Variants in NDUFAF2 observed in about 807,000 individuals in gnomAD.
The protein encoded by NDUFAF2 is NADH:ubiquinone oxidoreductase complex assembly factor 2, also known as NADH dehydrogenase [ubiquinone] 1 alpha subcomplex assembly factor 2.
NDUFAF2 carries 13 observed loss-of-function variants against 22.8 expected under a neutral mutation model. That is an observed-to-expected ratio of 0.57 (90% CI 0.37 to 0.91). The LOEUF is 0.91. Ranked by LOEUF, NDUFAF2 falls within the 40% of genes least tolerant of loss-of-function variation. The pLI, the probability that NDUFAF2 is intolerant of heterozygous loss-of-function variation, is 0.01. For missense variants in NDUFAF2, 162 were observed against 195.2 expected (o/e 0.83, Z 1.01); for synonymous variants, 53 against 64.2 (o/e 0.83, Z 0.84).
intron 3 of NDUFAF2, among the ~76,000 whole-genome samples, chr5:61,136,017 ATATATATATATATATATATATATATC>A (rs1191243923): frequency 3.0e-4 from 9 of 29,594 alleles, no homozygotes; most frequent in African/African-American, 6.6e-4. Context: ...ATATATATAT[ATATATATATATATATATATATATATC>A]TAGGGTGGAT....
chr5:60,968,268 T>A (rs990008216), intron 1 of NDUFAF2, among the ~76,000 whole-genome samples: 16 of 151,848 alleles, frequency 1.1e-4, no homozygotes, highest in African/African-American at 3.9e-4. Flanking sequence ...TTTTAAAAAA[T>A]CTTTTAGAAA....
At chr5:60,964,842 A>G (rs1282840582) in intron 1 of NDUFAF2, among the ~76,000 whole-genome samples, 1 of 152,070 alleles carries the variant, frequency 6.6e-6, no homozygotes, top group Non-Finnish European at 1.5e-5. Context: ...TTTGACCAAC[A>G]TTTCCCCAAT....
At chr5:61,070,810 A>G (rs1416861980) in intron 1 of NDUFAF2, among the ~76,000 whole-genome samples, 1 of 152,108 alleles carries the variant, frequency 6.6e-6, no homozygotes, top group Non-Finnish European at 1.5e-5. Flanking sequence ...TCCTCTCCCC[A>G]TGTGCTAAAC....
At chr5:61,140,966 C>T (rs766265230) in intron 3 of NDUFAF2, among the ~76,000 whole-genome samples, 78 of 152,178 alleles carry the variant, frequency 5.1e-4, no homozygotes, top group Non-Finnish European at 9.1e-4. Context: ...TGGTGGCTCA[C>T]GCCTGTAATC....
chr5:61,036,864 C>T (rs746844324), intron 1 of NDUFAF2, among the ~76,000 whole-genome samples: 1 of 152,122 alleles, frequency 6.6e-6, no homozygotes, highest in Non-Finnish European at 1.5e-5. Flanking sequence ...TGCCTATTAG[C>T]TGGATCCCAC....
At position 60,948,467 on chromosome 5, in the gene NDUFAF2, C is replaced by G. The variant is rs185601317; in HGVS notation, c.127+3085C>G. Among the ~76,000 whole-genome samples, 37 of 152,152 alleles carry G rather than the reference C, an allele frequency of 2.4e-4. 1 individual carries two copies. In the East Asian group the frequency reaches 7.0e-3, roughly 29 times the overall value. ...GGCTTTGTGATCTGCCTGCCTCGGC[C>G]TCCCAAAGTGCTGGGATTACAGATG... is the stretch of plus-strand genomic sequence containing the variant. On this transcript the variant is annotated intron_variant, in intron 1 of 3. Coordinates refer to ENST00000296597, the MANE Select transcript of NDUFAF2 (RefSeq NM_174889.5).
intron 1 of NDUFAF2, among the ~76,000 whole-genome samples, chr5:60,996,050 C>A (rs976852151): frequency 1.3e-5 from 2 of 152,104 alleles, no homozygotes; most frequent in Non-Finnish European, 2.9e-5. Context: ...AGTGGGCTCC[C>A]CTCTGGTCCA....
At chr5:60,966,806 A>C (rs1750763706) in intron 1 of NDUFAF2, among the ~76,000 whole-genome samples, 1 of 152,092 alleles carries the variant, frequency 6.6e-6, no homozygotes, top group Non-Finnish European at 1.5e-5. Context: ...CTTCTGCTCA[A>C]GATTGCTTTG....
intron 3 of NDUFAF2, among the ~76,000 whole-genome samples, chr5:61,128,828 A>G (rs1437096442): frequency 6.6e-6 from 1 of 152,196 alleles, no homozygotes; most frequent in Non-Finnish European, 1.5e-5. Flanking sequence ...GAGCTTCTGC[A>G]CAGCAAAAGA....
intron 1 of NDUFAF2, among the ~76,000 whole-genome samples, chr5:61,051,732 C>G (rs955216863): frequency 1.3e-5 from 2 of 152,058 alleles, no homozygotes; most frequent in Non-Finnish European, 2.9e-5. Flanking sequence ...CATTCTCTTC[C>G]TTCTTCCAGA....
chr5:61,091,149 C>T (rs1413491999), intron 2 of NDUFAF2, among the ~76,000 whole-genome samples: 1 of 152,108 alleles, frequency 6.6e-6, no homozygotes, highest in Non-Finnish European at 1.5e-5. Flanking sequence ...AATAAACATA[C>T]ACATGCATGT....
intron 2 of NDUFAF2, among the ~76,000 whole-genome samples, chr5:61,081,467 C>T (rs1580125918): frequency 6.6e-6 from 1 of 152,264 alleles, no homozygotes; most frequent in East Asian, 1.9e-4. Flanking sequence ...TCAGAACTGA[C>T]TCTTTTCCCA....
intron 1 of NDUFAF2, among the ~76,000 whole-genome samples, chr5:61,027,212 T>G (rs1010862453): frequency 6.6e-6 from 1 of 151,856 alleles, no homozygotes; most frequent in African/African-American, 2.4e-5. Flanking sequence ...TTTAATTATA[T>G]TTGAGACCAT....
chr5:60,963,790 GT>G (rs1750720489), intron 1 of NDUFAF2, among the ~76,000 whole-genome samples: 1 of 152,192 alleles, frequency 6.6e-6, no homozygotes, highest in South Asian at 2.1e-4. Context: ...CTAGGTTAGA[GT>G]TGAGATCAGA....
intron 2 of NDUFAF2, among the ~76,000 whole-genome samples, chr5:61,085,414 G>T (rs115736795): frequency 0.013 from 2,004 of 151,832 alleles, 22 homozygotes; most frequent in South Asian, 0.039. Context: ...AGGGCATTAA[G>T]GGGGGAAAAA....
intron 1 of NDUFAF2, among the ~76,000 whole-genome samples, chr5:61,026,299 A>G (rs1751649262): frequency 6.6e-6 from 1 of 152,036 alleles, no homozygotes; most frequent in Non-Finnish European, 1.5e-5. Flanking sequence ...TTTCCTCAGC[A>G]TTATAGTCAC....
At chr5:61,147,605 A>T (rs1364126932) in intron 3 of NDUFAF2, among the ~76,000 whole-genome samples, 1 of 151,824 alleles carries the variant, frequency 6.6e-6, no homozygotes, top group Non-Finnish European at 1.5e-5. Context: ...GTTAGAGTAG[A>T]TCTAGAGCAG....
intron 1 of NDUFAF2, among the ~76,000 whole-genome samples, chr5:61,038,849 CT>C (rs564536525): frequency 0.038 from 5,651 of 149,882 alleles, 135 homozygotes; most frequent in Middle Eastern, 0.07. Flanking sequence ...GCAGCTATAA[CT>C]TTTTTTTTTC....
intron 3 of NDUFAF2, among the ~76,000 whole-genome samples, chr5:61,123,947 T>C (rs1753005703): frequency 6.6e-6 from 1 of 152,156 alleles, no homozygotes; most frequent in African/African-American, 2.4e-5. Flanking sequence ...TCTTTGTATG[T>C]AGAAAAAAGA....
Sources: gnomAD v4.1 joint callset for allele counts (sites outside exome capture counted in the v4.1 genomes callset) on GRCh38, gnomAD v4.1.1 for gene constraint, MANE v1.5 for transcripts, NCBI Gene and HGNC (gene_info 2026-07-23, HGNC 2026-07-21) for gene names.